PAN3: variants seen among roughly 807,000 people sequenced by gnomAD.
PAN3 encodes the protein PAN2-PAN3 deadenylation complex subunit PAN3.
PAN3 carries 19 observed loss-of-function variants against 96.2 expected under a neutral mutation model. The ratio of observed to expected loss-of-function variants is 0.20; its 90% confidence interval spans 0.14 to 0.29. PAN3 has a LOEUF of 0.29. Among genes scored for constraint, PAN3 ranks in the 10% least tolerant of loss-of-function variants. PAN3 has a pLI of 1.00. For synonymous variants in PAN3, 433 were observed against 406.6 expected, an observed-to-expected ratio of 1.06 and a Z score of -0.78; for missense variants, 882 against 1,108.1, an observed-to-expected ratio of 0.80 and a Z score of 2.90.
At chr13:28,270,607 G>A (rs1886533612) in intron 12 of PAN3, 94 bp from the exon 13 acceptor site, 1 of 1,277,804 alleles carries the variant, frequency 7.8e-7, no homozygotes. Context: ...TGCCATGAGT[G>A]TACATGAATT....
chr13:28,289,461 C>T (rs993267925), intron 18 of PAN3, among the ~76,000 whole-genome samples: 5 of 152,054 alleles, frequency 3.3e-5, no homozygotes, highest in East Asian at 1.9e-4. Flanking sequence ...TCCTTTTGGT[C>T]GATACGGGAT....
intron 5 of PAN3, among the ~76,000 whole-genome samples, chr13:28,207,853 G>T (rs1424144245): frequency 1.3e-5 from 2 of 152,166 alleles, no homozygotes; most frequent in Non-Finnish European, 2.9e-5. Context: ...AGGATACATT[G>T]TATACCTGTG....
At chr13:28,217,339 TG>T (rs1289737859) in intron 5 of PAN3, among the ~76,000 whole-genome samples, 1 of 151,998 alleles carries the variant, frequency 6.6e-6, no homozygotes, top group African/African-American at 2.4e-5. Context: ...CTCAGCACTT[TG>T]GGAGGCTGAG....
At chr13:28,193,465 G>A (rs1311511341) in intron 4 of PAN3, among the ~76,000 whole-genome samples, 1 of 151,946 alleles carries the variant, frequency 6.6e-6, no homozygotes, top group African/African-American at 2.4e-5. Flanking sequence ...TTTTGGGGAC[G>A]GGCACGTGGT....
In PAN3 at chr13:28,160,795, T is replaced by A. The variant is rs139485240; in HGVS notation, c.431-13477T>A. 1.2e-4 allele frequency among the ~76,000 whole-genome samples: 19 copies of A among 152,358 alleles called. No individual in the cohort carries two copies. The East Asian group carries it at 3.5e-3, about 28-fold the overall frequency. On this transcript the variant is annotated intron_variant, in intron 1 of 18. Coordinates refer to ENST00000380958, the MANE Select transcript of PAN3 (RefSeq NM_175854.8). The stretch of plus-strand genomic sequence containing the variant: ...TTGATCTATTTAGATTGCTGGAAAG[T>A]TAAGTACTTGAACTATATCGTTAGT...
intron 1 of PAN3, among the ~76,000 whole-genome samples, chr13:28,169,061 T>G (rs1392950846): frequency 6.6e-6 from 1 of 151,614 alleles, no homozygotes; most frequent in Admixed American, 6.6e-5. Flanking sequence ...ATGGAAACAG[T>G]GTAGGATTTA....
At chr13:28,180,908 A>G (rs1875687354) in intron 4 of PAN3, among the ~76,000 whole-genome samples, 1 of 152,184 alleles carries the variant, frequency 6.6e-6, no homozygotes, top group Non-Finnish European at 1.5e-5. Flanking sequence ...TGAACCTACA[A>G]GGGAACATTT....
chr13:28,182,662 G>T (rs1399820094), intron 4 of PAN3, among the ~76,000 whole-genome samples: 2 of 152,158 alleles, frequency 1.3e-5, no homozygotes, highest in Non-Finnish European at 2.9e-5. Context: ...ACCAAAGGGA[G>T]CTGGCTGGTT....
chr13:28,186,752 G>C (rs533324123), intron 4 of PAN3, among the ~76,000 whole-genome samples: 2 of 151,156 alleles, frequency 1.3e-5, no homozygotes, highest in African/African-American at 4.9e-5. Flanking sequence ...TTTGAGTTCA[G>C]GGGTTTGAAG....
rs377672212 is a variant in PAN3, at chr13:28,272,037, A to G, written c.2015A>G (p.Asn672Ser). The change falls in exon 14 of 19, where the codon AAT becomes AGT. Residue 672 changes from asparagine to serine, a missense_variant. Transcript: ENST00000380958. The stretch of plus-strand genomic sequence containing the variant: ...GTTTTAACATTTGATAACAGTCAAA[A>G]TAATAATCCATTGGCATTAATGGCC... ...FDVLTFDNSQ[N>S]NNPLALMAQY... 13 of 1,592,358 alleles carry G rather than the reference A, an allele frequency of 8.2e-6. No individual in the cohort carries two copies. The highest frequency in any genetic ancestry group is 1.0e-5 in the Non-Finnish European group (12 of 1,164,302).
rs10651877 is a variant in PAN3, at chr13:28,153,232, C to CTTTT, written c.430+14164_430+14167dup. Reference sequence around the variant, plus strand: ...AAGTTACAAAACTATGTATAATACGCTTTTTTTTTTTTTTTTTTTTTTGAG... The same window carrying CTTTT: ...AAGTTACAAAACTATGTATAATACGCTTTTTTTTTTTTTTTTTTTTTTTTTTGAG... On this transcript the variant is annotated intron_variant, in intron 1 of 18. Coordinates refer to ENST00000380958, the MANE Select transcript of PAN3 (RefSeq NM_175854.8). 4.9e-3 allele frequency among the ~76,000 whole-genome samples: 502 copies of CTTTT among 101,502 alleles called. 27 individuals carry two copies. The highest frequency in any genetic ancestry group is 0.013 in the African/African-American group (317 of 23,514). The allele number at this position is 101,502 out of a possible 152,430, so 66.6% of individuals were successfully genotyped here. A position where few individuals can be genotyped will look rare whatever the true frequency, so the allele number is the denominator to read the frequency against.
At chr13:28,168,605 G>A (rs1242034064) in intron 1 of PAN3, among the ~76,000 whole-genome samples, 6 of 152,184 alleles carry the variant, frequency 3.9e-5, no homozygotes, top group Non-Finnish European at 8.8e-5. Flanking sequence ...TGTAATCCCA[G>A]TTACTTGGGA....
chr13:28,250,330 G>A (rs1884601873), intron 6 of PAN3, among the ~76,000 whole-genome samples: 1 of 151,808 alleles, frequency 6.6e-6, no homozygotes, highest in Non-Finnish European at 1.5e-5. Flanking sequence ...TGAGTAGCTG[G>A]GACTACAGGT....
intron 1 of PAN3, among the ~76,000 whole-genome samples, chr13:28,151,896 T>C (rs1871411315): frequency 6.6e-6 from 1 of 152,160 alleles, no homozygotes; most frequent in Non-Finnish European, 1.5e-5. Flanking sequence ...TAGATACAAG[T>C]CTGGAGTTCT....
chr13:28,226,151 C>T (rs532952344), intron 6 of PAN3, among the ~76,000 whole-genome samples: 4 of 152,070 alleles, frequency 2.6e-5, no homozygotes, highest in African/African-American at 9.7e-5. Flanking sequence ...TAGGGCTCTA[C>T]GTTAAGTCTT....
intron 14 of PAN3, among the ~76,000 whole-genome samples, chr13:28,275,570 A>G (rs368138825): frequency 2.9e-4 from 44 of 152,328 alleles, no homozygotes; most frequent in African/African-American, 1.0e-3. Context: ...ATAGAAATTT[A>G]TAGTTGGCAT....
At chr13:28,220,420 T>C in intron 6 of PAN3, 42 bp downstream of exon 6, 1 of 1,588,162 alleles carries the variant, frequency 6.3e-7, no homozygotes. Flanking sequence ...AGATACCATG[T>C]CTGTAAGCAC....
chr13:28,204,508 T>G (rs896247838), intron 5 of PAN3, among the ~76,000 whole-genome samples: 1 of 152,206 alleles, frequency 6.6e-6, no homozygotes, highest in African/African-American at 2.4e-5. Flanking sequence ...TTGTTTATAT[T>G]TATTTAGAGT....
At chr13:28,256,104 A>G (rs1247143633) in intron 6 of PAN3, among the ~76,000 whole-genome samples, 188 bp from the exon 7 acceptor site, 2 of 152,208 alleles carry the variant, frequency 1.3e-5, no homozygotes, top group Admixed American at 6.5e-5. Flanking sequence ...TTGAAAAAAG[A>G]AACTTTACAT....
Sources: allele counts gnomAD v4.1 joint callset (sites outside exome capture counted in the v4.1 genomes callset), GRCh38; gene constraint gnomAD v4.1.1; transcripts MANE v1.5; gene names NCBI Gene and HGNC (gene_info 2026-07-23, HGNC 2026-07-21).